Variants in USH2A observed in about 807,000 individuals in gnomAD.
The protein encoded by USH2A is usherin.
Under a neutral mutation model 538.9 loss-of-function variants are expected in USH2A, and 443 were observed. The ratio of observed to expected loss-of-function variants is 0.82; its 90% confidence interval spans 0.76 to 0.89. USH2A has a LOEUF of 0.89. Ranked by LOEUF, USH2A falls within the 40% of genes least tolerant of loss-of-function variation. USH2A has a pLI of 0.00. For missense variants in USH2A, 6,633 were observed against 6,324.8 expected, an observed-to-expected ratio of 1.05 and a Z score of -1.65; for synonymous variants, 2,413 against 2,273.5, an observed-to-expected ratio of 1.06 and a Z score of -1.75.
At position 216,325,427 on chromosome 1, in the gene USH2A, G is replaced by T; in HGVS notation, c.1021C>A (p.Pro341Thr). 6 of 1,613,874 alleles carry T rather than the reference G, an allele frequency of 3.7e-6. No homozygotes were observed. Among genetic ancestry groups the T allele is most frequent in the Non-Finnish European group, 5.1e-6 (6 of 1,179,914 alleles). ...TCATTATCATTGACAAAAGAGAGAG[G>T]ATGGGCTTCAGGATTCAACCGTGAC... ...RVSRLNPEAH[P>T]LSFVNDNDVG... The change falls in exon 6 of 72, where the codon CCT becomes ACT. Residue 341 changes from proline to threonine, a missense_variant. Transcript: ENST00000307340.
chr1:215,910,397 T>C (rs1411987309), intron 38 of USH2A, among the ~76,000 whole-genome samples: 4 of 152,030 alleles, frequency 2.6e-5, no homozygotes, highest in Admixed American at 2.0e-4. Context: ...CTGATTGTGC[T>C]ACTTACTGAG....
At chr1:216,279,820 A>C (rs2036737726) in intron 11 of USH2A, among the ~76,000 whole-genome samples, 1 of 152,120 alleles carries the variant, frequency 6.6e-6, no homozygotes, top group Non-Finnish European at 1.5e-5. Flanking sequence ...AATGCATTCT[A>C]CATGAGTCAG....
intron 21 of USH2A, among the ~76,000 whole-genome samples, chr1:216,158,964 G>T (rs2034001766): frequency 3.9e-5 from 6 of 152,178 alleles, no homozygotes; most frequent in Admixed American, 3.9e-4. Context: ...ATGTGTGTTA[G>T]TTCTAGTAAG....
intron 21 of USH2A, among the ~76,000 whole-genome samples, chr1:216,152,353 A>G (rs1432596105): frequency 6.6e-6 from 1 of 152,150 alleles, no homozygotes; most frequent in Non-Finnish European, 1.5e-5. Flanking sequence ...CACAAAAGAA[A>G]TGTAAATGGC....
chr1:216,078,627 A>G (rs2031834465), intron 26 of USH2A, among the ~76,000 whole-genome samples: 1 of 152,128 alleles, frequency 6.6e-6, no homozygotes, highest in Non-Finnish European at 1.5e-5. Flanking sequence ...TGTTATGTAG[A>G]CCTAAGGTTT....
At chr1:215,920,933 TCACATGG>T (rs2102488333) in intron 38 of USH2A, among the ~76,000 whole-genome samples, 1 of 152,184 alleles carries the variant, frequency 6.6e-6, no homozygotes, top group South Asian at 2.1e-4. Context: ...CTCATACTGT[TCACATGG>T]CTTATTTCTA....
intron 36 of USH2A, among the ~76,000 whole-genome samples, chr1:215,967,701 C>T (rs931494539): frequency 6.6e-6 from 1 of 151,392 alleles, no homozygotes; most frequent in African/African-American, 2.4e-5. Flanking sequence ...TTATATATTG[C>T]CATTAAGATT....
chr1:216,414,156 C>T (rs2039538297), intron 3 of USH2A, among the ~76,000 whole-genome samples: 1 of 151,884 alleles, frequency 6.6e-6, no homozygotes, highest in South Asian at 2.1e-4. Flanking sequence ...GATCAGTGTT[C>T]CCTATATGAT....
At chr1:216,236,308 C>A (rs1181194283) in intron 13 of USH2A, among the ~76,000 whole-genome samples, 2 of 151,982 alleles carry the variant, frequency 1.3e-5, no homozygotes, top group Admixed American at 6.6e-5. Flanking sequence ...TCCTAAGACC[C>A]CTCATCCTTC....
At chr1:216,291,415 A>G (rs1484994080) in intron 10 of USH2A, among the ~76,000 whole-genome samples, 1 of 152,126 alleles carries the variant, frequency 6.6e-6, no homozygotes, top group African/African-American at 2.4e-5. Context: ...ATTCCTTTCA[A>G]TAGTCTGTCT....
intron 32 of USH2A, among the ~76,000 whole-genome samples, chr1:216,026,997 T>G (rs946075544): frequency 1.3e-5 from 2 of 152,142 alleles, no homozygotes; most frequent in African/African-American, 4.8e-5. Context: ...CTCAAAAACT[T>G]GTGTATATAA....
At chr1:215,631,621 G>C (rs1656286453) in intron 70 of USH2A, among the ~76,000 whole-genome samples, 2 of 152,212 alleles carry the variant, frequency 1.3e-5, no homozygotes, top group Admixed American at 1.3e-4. Context: ...GTGCCCTGGT[G>C]TATCCCAGAT....
At chr1:215,909,372 C>T (rs1258423752) in intron 38 of USH2A, among the ~76,000 whole-genome samples, 1 of 151,908 alleles carries the variant, frequency 6.6e-6, no homozygotes, top group African/African-American at 2.4e-5. Flanking sequence ...ATGGTAAGTA[C>T]ATGTCATTAT....
At position 215,920,409 on chromosome 1, in the gene USH2A, G is replaced by A. The variant is rs116224835; in HGVS notation, c.7300+14207C>T. Among the ~76,000 whole-genome samples, 850 of 152,154 alleles carry A rather than the reference G, an allele frequency of 5.6e-3. 7 individuals carry two copies. The highest frequency in any genetic ancestry group is 0.019 in the African/African-American group (797 of 41,540). On this transcript the variant is annotated intron_variant, in intron 38 of 71. Transcript: ENST00000307340. ...TGGAATCATCAAAGAAGATAAAAATGTAGATGTTTACAGGTTAATTTTCAA... is the reference window on the plus strand; with the variant it reads ...TGGAATCATCAAAGAAGATAAAAATATAGATGTTTACAGGTTAATTTTCAA...
chr1:215,714,967 A>ATT (rs1659443278), intron 61 of USH2A, among the ~76,000 whole-genome samples: 1 of 152,194 alleles, frequency 6.6e-6, no homozygotes, highest in Non-Finnish European at 1.5e-5. Flanking sequence ...CCAAATAGGG[A>ATT]TGACAGAAAT....
chr1:215,879,427 A>G (rs901059615), intron 41 of USH2A, among the ~76,000 whole-genome samples: 10 of 152,206 alleles, frequency 6.6e-5, no homozygotes, highest in Non-Finnish European at 1.2e-4. Context: ...TCACACATCC[A>G]CATGCTTCAA....
chr1:216,375,239 C>A (rs550996266), intron 3 of USH2A, among the ~76,000 whole-genome samples: 4 of 152,258 alleles, frequency 2.6e-5, no homozygotes, highest in African/African-American at 9.6e-5. Flanking sequence ...GCATTGATTT[C>A]TCTTCTCTAG....
At chr1:215,729,262 G>A (rs1296821123) in intron 60 of USH2A, among the ~76,000 whole-genome samples, 3 of 152,084 alleles carry the variant, frequency 2.0e-5, no homozygotes, top group African/African-American at 7.2e-5. Context: ...CTCTCATGCA[G>A]CACAATGCTC....
Position 216,073,104 on chromosome 1 carries a change from A to C in USH2A, c.5769T>G (p.Pro1923=), listed in dbSNP as rs2031615664. The change falls in exon 28 of 72, where the codon CCT becomes CCG. Residue 1923 remains proline (P), a synonymous_variant. Transcript: ENST00000307340. ...EQSVYEGGLQ[P]FTEYLYRVIA... is the part of the protein sequence containing the mutation. ...AGAGGACCTCCACATTACCTGTAAA[A>C]GGCTGGAGACCACCCTCGTAAACAC... 3 of 1,613,778 alleles carry C rather than the reference A, an allele frequency of 1.9e-6. No homozygotes were observed. Among genetic ancestry groups the C allele is most frequent in the Non-Finnish European group, 2.5e-6 (3 of 1,179,950 alleles).
Sources: allele counts gnomAD v4.1 joint callset (sites outside exome capture counted in the v4.1 genomes callset), GRCh38; gene constraint gnomAD v4.1.1; transcripts MANE v1.5; gene names NCBI Gene and HGNC (gene_info 2026-07-23, HGNC 2026-07-21).